ATAD2B: variants seen among roughly 807,000 people sequenced by gnomAD.
ATAD2B encodes ATPase family AAA domain-containing protein 2B.
In ATAD2B, 40 loss-of-function variants were observed where a neutral mutation model predicts 167.6. That is an observed-to-expected ratio of 0.24 (90% confidence interval 0.19 to 0.31). ATAD2B has a LOEUF of 0.31. ATAD2B is among the 10% of genes least tolerant of loss of function. ATAD2B has a pLI of 1.00. For missense variants in ATAD2B, 1,242 were observed against 1,757.2 expected (o/e 0.71, Z 5.24); for synonymous variants, 579 against 596.5 (o/e 0.97, Z 0.43).
intron 9 of ATAD2B, among the ~76,000 whole-genome samples, chr2:23,869,016 G>A (rs933721747): frequency 1.3e-5 from 2 of 152,138 alleles, no homozygotes; most frequent in African/African-American, 2.4e-5. Context: ...TCATTCAGAT[G>A]AGAAATTCTT....
At chr2:23,872,290 C>T (rs976267273) in intron 8 of ATAD2B, 25 of 512,232 alleles carry the variant, frequency 4.9e-5, no homozygotes, top group East Asian at 2.3e-4. Context: ...CACGGCTTTA[C>T]GCACAGTCTC....
intron 12 of ATAD2B, among the ~76,000 whole-genome samples, 185 bp downstream of exon 12, chr2:23,863,196 C>G (rs1406692367): frequency 6.6e-6 from 1 of 152,074 alleles, no homozygotes; most frequent in African/African-American, 2.4e-5. Flanking sequence ...GTTCAGGCTA[C>G]TGGGGCAAGG....
intron 21 of ATAD2B, among the ~76,000 whole-genome samples, chr2:23,785,548 T>C (rs745946977): frequency 6.6e-6 from 1 of 152,078 alleles, no homozygotes; most frequent in Non-Finnish European, 1.5e-5. Context: ...GCACGGGATA[T>C]GTTTTAACTT....
intron 17 of ATAD2B, among the ~76,000 whole-genome samples, chr2:23,811,822 C>T (rs1011157978): frequency 4.6e-5 from 7 of 151,768 alleles, no homozygotes; most frequent in Admixed American, 4.6e-4. Flanking sequence ...GCAGCAGGAA[C>T]AAACTAAAAC....
chr2:23,826,119 C>T (rs2149685347), intron 15 of ATAD2B, among the ~76,000 whole-genome samples: 1 of 152,150 alleles, frequency 6.6e-6, no homozygotes, highest in Non-Finnish European at 1.5e-5. Context: ...GATTCCCAAG[C>T]CCCACAATAA....
chr2:23,699,570 C>CTGT, the ATAD2B span, among the ~76,000 whole-genome samples: 10 of 152,226 alleles, frequency 6.6e-5, no homozygotes, highest in African/African-American at 2.4e-4. Context: ...CAGCTGCCTC[C>CTGT]TGTTGTCCTT....
chr2:23,821,090 T>C (rs1572903868), intron 16 of ATAD2B, among the ~76,000 whole-genome samples: 1 of 152,132 alleles, frequency 6.6e-6, no homozygotes, highest in East Asian at 1.9e-4. Flanking sequence ...CCAGAATAAA[T>C]ATGACTAAAT....
At chr2:23,878,034 A>AAAAAAAAAAAAAAAAC (rs1385064799) in intron 7 of ATAD2B, among the ~76,000 whole-genome samples, 1 of 147,570 alleles carries the variant, frequency 6.8e-6, no homozygotes, top group Non-Finnish European at 1.5e-5. Flanking sequence ...AAAAAAAAAA[A>AAAAAAAAAAAAAAAAC]AAAAAGCAAA....
At chr2:23,818,489 GA>G (rs1686945660) in intron 17 of ATAD2B, among the ~76,000 whole-genome samples, 1 of 150,774 alleles carries the variant, frequency 6.6e-6, no homozygotes, top group African/African-American at 2.4e-5. Flanking sequence ...TGGAGAAGAA[GA>G]AAAAAACTTA....
At chr2:23,699,362 A>G in the ATAD2B span, among the ~76,000 whole-genome samples, 6 of 152,198 alleles carry the variant, frequency 3.9e-5, no homozygotes, top group Admixed American at 2.0e-4. Flanking sequence ...CTCACCGAAC[A>G]GTGAGCAGCA....
In ATAD2B at chr2:23,750,127, A is replaced by G. The variant is rs1675194494; in HGVS notation, c.*1919T>C. 1.3e-5 allele frequency: 2 copies of G among 152,136 alleles called. No individual in the cohort carries two copies. Among genetic ancestry groups the G allele is most frequent in the Admixed American group, 1.3e-4 (2 of 15,260 alleles). The allele number at this position is 152,136 out of a possible 1,614,324, so 9.4% of individuals were successfully genotyped here. ...GTATGATGGTAATAAATACTAAAGA[A>G]AGCATGAAAATCCTCCCAATAATCA... On this transcript the variant is annotated 3_prime_UTR_variant, in exon 28 of 28. Coordinates refer to ENST00000238789, the MANE Select transcript of ATAD2B (RefSeq NM_017552.4).
At chr2:23,782,654 A>G (rs184785022) in intron 22 of ATAD2B, among the ~76,000 whole-genome samples, 63 of 152,360 alleles carry the variant, frequency 4.1e-4, no homozygotes, top group African/African-American at 1.5e-3. Context: ...AAGGTAAATG[A>G]AGAAACAAAC....
chr2:23,714,280 C>CA, the ATAD2B span, among the ~76,000 whole-genome samples: 1 of 149,022 alleles, frequency 6.7e-6, no homozygotes, highest in Admixed American at 6.7e-5. Context: ...TGCTCTGTTG[C>CA]CTAGACTGGA....
intron 16 of ATAD2B, 114 bp downstream of exon 16, chr2:23,823,144 T>C: frequency 2.1e-6 from 2 of 953,950 alleles, no homozygotes; most frequent in South Asian, 3.5e-5. Context: ...TATATAGTAC[T>C]GAATAAACAG....
At chr2:23,894,685 T>C (rs1031849378) in intron 2 of ATAD2B, among the ~76,000 whole-genome samples, 2 of 152,184 alleles carry the variant, frequency 1.3e-5, no homozygotes, top group Non-Finnish European at 2.9e-5. Context: ...ATAGAGATTA[T>C]AACAGGTAGA....
chr2:23,701,806 T>C, the ATAD2B span, among the ~76,000 whole-genome samples: 5 of 142,186 alleles, frequency 3.5e-5, no homozygotes, highest in African/African-American at 1.3e-4. Context: ...TTTTTTTTTT[T>C]TTTTTTTTTT....
At chr2:23,733,917 A>G in the ATAD2B span, among the ~76,000 whole-genome samples, 247 of 151,846 alleles carry the variant, frequency 1.6e-3, 1 homozygote, top group Non-Finnish European at 3.0e-3. Flanking sequence ...ATTCTAAAGT[A>G]CACAGAAACA....
intron 24 of ATAD2B, among the ~76,000 whole-genome samples, chr2:23,759,599 G>A (rs565345233): frequency 1.3e-5 from 2 of 152,166 alleles, no homozygotes; most frequent in South Asian, 4.1e-4. Flanking sequence ...TCTCCTAAAG[G>A]TTTCTGAAAT....
At chr2:23,704,386 C>T in the ATAD2B span, among the ~76,000 whole-genome samples, 9 of 152,348 alleles carry the variant, frequency 5.9e-5, no homozygotes, top group African/African-American at 2.2e-4. Context: ...GCTCGGTCCC[C>T]AGGCTTTCTG....
Sources: allele counts gnomAD v4.1 joint callset (sites outside exome capture counted in the v4.1 genomes callset), GRCh38; gene constraint gnomAD v4.1.1; transcripts MANE v1.5; gene names NCBI Gene and HGNC (gene_info 2026-07-23, HGNC 2026-07-21).